RANBP2: variants seen among roughly 807,000 people sequenced by gnomAD.
RANBP2 encodes E3 SUMO-protein ligase RanBP2.
In RANBP2, 57 loss-of-function variants were observed where a neutral mutation model predicts 303.6. That is an observed-to-expected ratio of 0.19 (90% confidence interval 0.15 to 0.23). The LOEUF is 0.23. Ranked by LOEUF, RANBP2 falls within the 10% of genes least tolerant of loss-of-function variation. The pLI, the probability that RANBP2 is intolerant of heterozygous loss-of-function variation, is 1.00. For missense variants in RANBP2, 3,138 were observed against 3,780.8 expected (o/e 0.83, Z 4.46); for synonymous variants, 1,167 against 1,301.5 (o/e 0.90, Z 2.23).
the RANBP2 span, among the ~76,000 whole-genome samples, chr2:109,044,679 G>T: frequency 1.3e-5 from 2 of 152,098 alleles, no homozygotes; most frequent in African/African-American, 4.8e-5. Flanking sequence ...GGTTTACTGT[G>T]CTGTCTTTAT....
the RANBP2 span, among the ~76,000 whole-genome samples, chr2:108,948,708 G>C: frequency 6.6e-6 from 1 of 152,074 alleles, no homozygotes; most frequent in Non-Finnish European, 1.5e-5. Flanking sequence ...GAACAACATG[G>C]GGAAAACTGC....
chr2:109,229,795 T>A, the RANBP2 span, among the ~76,000 whole-genome samples: 1 of 151,664 alleles, frequency 6.6e-6, no homozygotes, highest in South Asian at 2.1e-4. Flanking sequence ...TTTTGGTATG[T>A]GTTTAGATTT....
chr2:109,181,698 C>T, the RANBP2 span, among the ~76,000 whole-genome samples: 1 of 152,208 alleles, frequency 6.6e-6, no homozygotes, highest in African/African-American at 2.4e-5. Context: ...TTCCTATTCT[C>T]TGAGTCTACT....
chr2:109,393,643 T>G, the RANBP2 span, among the ~76,000 whole-genome samples: 1 of 151,996 alleles, frequency 6.6e-6, no homozygotes, highest in Non-Finnish European at 1.5e-5. Flanking sequence ...CTTCCTGGAT[T>G]TCCACCAAGA....
At chr2:109,192,835 A>C in the RANBP2 span, among the ~76,000 whole-genome samples, 1 of 152,182 alleles carries the variant, frequency 6.6e-6, no homozygotes, top group Non-Finnish European at 1.5e-5. Flanking sequence ...GCTTTGATTC[A>C]CCATACATTT....
the RANBP2 span, among the ~76,000 whole-genome samples, chr2:109,283,186 G>T: frequency 6.6e-6 from 1 of 152,184 alleles, no homozygotes; most frequent in Admixed American, 6.5e-5. Flanking sequence ...GAGGTGCCTG[G>T]AGCATGCCTC....
chr2:109,397,250 C>T, the RANBP2 span, among the ~76,000 whole-genome samples: 1 of 152,150 alleles, frequency 6.6e-6, no homozygotes, highest in South Asian at 2.1e-4. Context: ...GCTCTGTGCT[C>T]CTCCAGGGAG....
chr2:108,873,631 C>G, the RANBP2 span: 2 of 1,406,698 alleles, frequency 1.4e-6, no homozygotes, highest in Non-Finnish European at 2.0e-6. Context: ...TGAAAAATAC[C>G]TTACTGTGAT....
the RANBP2 span, among the ~76,000 whole-genome samples, chr2:109,000,233 A>G: frequency 6.6e-6 from 1 of 152,208 alleles, no homozygotes; most frequent in African/African-American, 2.4e-5. Flanking sequence ...GAGAAATGCA[A>G]ATAAAGTCCT....
the RANBP2 span, among the ~76,000 whole-genome samples, chr2:109,430,218 C>T: frequency 2.6e-5 from 4 of 152,226 alleles, no homozygotes; most frequent in African/African-American, 7.2e-5. Context: ...AACCCGGCTG[C>T]GCATTCTGCA....
chr2:109,022,456 GA>G, the RANBP2 span, among the ~76,000 whole-genome samples: 1 of 152,194 alleles, frequency 6.6e-6, no homozygotes, highest in South Asian at 2.1e-4. Flanking sequence ...CCAGATGGTG[GA>G]CAGTTCCCTT....
intron 1 of RANBP2, among the ~76,000 whole-genome samples, chr2:108,722,643 C>CCTT (rs10675007): frequency 0.31 from 41,019 of 132,666 alleles, 9,245 homozygotes; most frequent in African/African-American, 0.65. Context: ...GTGCTTTTGC[C>CCTT]CTTAAAAATA....
chr2:109,451,411 A>T, the RANBP2 span, among the ~76,000 whole-genome samples: 3 of 152,206 alleles, frequency 2.0e-5, no homozygotes, highest in East Asian at 5.8e-4. Flanking sequence ...AGACTTGGAA[A>T]GTGGGGGCTG....
At chr2:108,886,346 A>T in the RANBP2 span, among the ~76,000 whole-genome samples, 1 of 152,016 alleles carries the variant, frequency 6.6e-6, no homozygotes, top group Non-Finnish European at 1.5e-5. Context: ...GATGTTGGGC[A>T]TTTTTTCATG....
the RANBP2 span, among the ~76,000 whole-genome samples, chr2:109,639,719 T>G: frequency 2.0e-5 from 3 of 146,980 alleles, no homozygotes; most frequent in Admixed American, 6.8e-5. Flanking sequence ...CAATACTAGA[T>G]TTTTTTTTTT....
the RANBP2 span, among the ~76,000 whole-genome samples, chr2:109,542,491 C>T: frequency 6.6e-6 from 1 of 152,196 alleles, no homozygotes; most frequent in East Asian, 1.9e-4. Context: ...TTAAGGAGAG[C>T]TGCTTTATAA....
the RANBP2 span, among the ~76,000 whole-genome samples, chr2:109,635,343 C>T: frequency 2.0e-5 from 3 of 152,078 alleles, no homozygotes; most frequent in South Asian, 2.1e-4. Context: ...CCACAATGCC[C>T]GACTAATTAT....
At chr2:108,779,956 G>A (rs1678128242) in intron 25 of RANBP2, among the ~76,000 whole-genome samples, 1 of 152,166 alleles carries the variant, frequency 6.6e-6, no homozygotes, top group East Asian at 1.9e-4. Context: ...TAATTTGGAA[G>A]TAGCAGGTTT....
chr2:109,144,478 T>A, the RANBP2 span, among the ~76,000 whole-genome samples: 2 of 152,218 alleles, frequency 1.3e-5, no homozygotes, highest in African/African-American at 4.8e-5. Flanking sequence ...GTCTGAAGGC[T>A]CACGCCCAGC....
Sources: gnomAD v4.1 joint callset for allele counts (sites outside exome capture counted in the v4.1 genomes callset) on GRCh38, gnomAD v4.1.1 for gene constraint, MANE v1.5 for transcripts, NCBI Gene and HGNC (gene_info 2026-07-23, HGNC 2026-07-21) for gene names.